CREB5: variants seen among roughly 807,000 people sequenced by gnomAD.
CREB5 encodes cyclic AMP-responsive element-binding protein 5.
Under a neutral mutation model 57.1 loss-of-function variants are expected in CREB5, and 19 were observed. The observed-to-expected ratio is 0.33, with a 90% CI of 0.23 to 0.49. CREB5 has a LOEUF of 0.49. Among genes scored for constraint, CREB5 ranks in the 20% least tolerant of loss-of-function variants. The pLI, the probability that CREB5 is intolerant of heterozygous loss-of-function variation, is 0.99. For synonymous variants in CREB5, 238 were observed against 238.3 expected (o/e 1.00, Z 0.01); for missense variants, 579 against 671.6 (o/e 0.86, Z 1.52).
At chr7:28,810,960 T>C (rs916004044) in intron 9 of CREB5, among the ~76,000 whole-genome samples, 3 of 152,228 alleles carry the variant, frequency 2.0e-5, no homozygotes, top group African/African-American at 7.2e-5. Context: ...GTCATTCTTT[T>C]TGTGATAGAC....
intron 1 of CREB5, among the ~76,000 whole-genome samples, chr7:28,404,182 G>T (rs1403971892): frequency 6.6e-6 from 1 of 152,192 alleles, no homozygotes; most frequent in African/African-American, 2.4e-5. Context: ...AGATGGAAAA[G>T]AAAAAGAACT....
chr7:28,407,495 A>G (rs1787609377), intron 1 of CREB5, among the ~76,000 whole-genome samples: 1 of 149,408 alleles, frequency 6.7e-6, no homozygotes, highest in South Asian at 2.1e-4. Context: ...GGCTGACACT[A>G]GAATCTACAC....
chr7:28,345,757 A>G (rs1012910672), intron 1 of CREB5, among the ~76,000 whole-genome samples: 3 of 152,184 alleles, frequency 2.0e-5, no homozygotes, highest in African/African-American at 7.2e-5. Context: ...CCAGATGAAG[A>G]TAGGCCAGAG....
intron 4 of CREB5, among the ~76,000 whole-genome samples, chr7:28,523,652 A>G (rs1314857174): frequency 6.6e-6 from 1 of 152,168 alleles, no homozygotes; most frequent in Non-Finnish European, 1.5e-5. Context: ...AAAATGAAAT[A>G]AGCCATCCTC....
At chr7:28,410,944 C>A (rs1285411664), upstream of CREB5, among the ~76,000 whole-genome samples, 1 of 152,156 alleles carries the variant, frequency 6.6e-6, no homozygotes, top group South Asian at 2.1e-4. Context: ...CACCACTCCC[C>A]CGTCTACACC....
intron 1 of CREB5, among the ~76,000 whole-genome samples, chr7:28,353,453 G>A (rs991806478): frequency 1.7e-4 from 26 of 152,180 alleles, no homozygotes; most frequent in Admixed American, 5.2e-4. Context: ...ATTATCTCCA[G>A]CAAGATGTGA....
At chr7:28,560,929 CGT>C (rs1425241012) in intron 4 of CREB5, among the ~76,000 whole-genome samples, 437 of 30,370 alleles carry the variant, frequency 0.014, 39 homozygotes, top group African/African-American at 0.039. Context: ...TGTGCGCGTG[CGT>C]GTGTGCGTGC....
chr7:28,687,946 G>A (rs1268558757), intron 5 of CREB5, among the ~76,000 whole-genome samples: 1 of 152,170 alleles, frequency 6.6e-6, no homozygotes, highest in Non-Finnish European at 1.5e-5. Flanking sequence ...CTCCCCGCAT[G>A]GGGAACCAAT....
chr7:28,726,971 G>A (rs192678941), intron 7 of CREB5, among the ~76,000 whole-genome samples: 25 of 152,102 alleles, frequency 1.6e-4, no homozygotes, highest in Admixed American at 5.2e-4. Context: ...ATTTTTCTGA[G>A]TAGTGATTGC....
intron 4 of CREB5, among the ~76,000 whole-genome samples, chr7:28,564,574 C>T (rs1029037492): frequency 7.2e-5 from 11 of 152,142 alleles, no homozygotes; most frequent in Non-Finnish European, 1.0e-4. Flanking sequence ...ATTTCATTCA[C>T]ACCCTTTATG....
rs1809849106 is a variant in CREB5, at chr7:28,822,705, C to G, written c.*3426C>G. 2 of 152,658 alleles carry G rather than the reference C, an allele frequency of 1.3e-5. No individual in the cohort carries two copies. Among genetic ancestry groups the G allele is most frequent in the Non-Finnish European group, 2.9e-5 (2 of 68,060 alleles). The allele number at this position is 152,658 out of a possible 1,614,324, so 9.5% of individuals were successfully genotyped here. Reference sequence around the variant, plus strand: ...AGCATTTCTATCAGGTAAACTGTCACTTAAATGGAGGTGTCCACATCTTAA... The same window carrying G: ...AGCATTTCTATCAGGTAAACTGTCAGTTAAATGGAGGTGTCCACATCTTAA... On this transcript the variant is annotated 3_prime_UTR_variant, in exon 11 of 11. Transcript: ENST00000357727.
intron 4 of CREB5, among the ~76,000 whole-genome samples, chr7:28,515,459 A>G (rs539570267): frequency 1.3e-5 from 2 of 152,298 alleles, no homozygotes; most frequent in Admixed American, 1.3e-4. Flanking sequence ...ATTGGCATAA[A>G]TATTGGTCTC....
rs185624739 is a variant in CREB5 at position 28,659,675 on chromosome 7, T to A, written c.465-59078T>A. 3.6e-3 allele frequency among the ~76,000 whole-genome samples: 551 copies of A among 152,318 alleles called. 6 individuals carry two copies. Among genetic ancestry groups the A allele is most frequent in the Middle Eastern group, 0.017 (5 of 294 alleles). On this transcript the variant is annotated intron_variant, in intron 5 of 10. Coordinates refer to ENST00000357727, the MANE Select transcript of CREB5 (RefSeq NM_182898.4). ...AAAACTGATGCAATATGGACTAGAT[T>A]AATTTGAATTAAATTTCAATATGAT...
At chr7:28,468,991 T>C (rs922689557) in intron 1 of CREB5, among the ~76,000 whole-genome samples, 1 of 152,194 alleles carries the variant, frequency 6.6e-6, no homozygotes, top group African/African-American at 2.4e-5. Flanking sequence ...CTACATCTTT[T>C]CTTCATTTAG....
intron 1 of CREB5, among the ~76,000 whole-genome samples, chr7:28,476,049 G>T (rs576890573): frequency 6.6e-6 from 1 of 152,168 alleles, no homozygotes; most frequent in Non-Finnish European, 1.5e-5. Context: ...AGAGCCCAAC[G>T]CAGTGGAATG....
intron 8 of CREB5, among the ~76,000 whole-genome samples, chr7:28,806,284 G>C (rs1004948589): frequency 6.6e-6 from 1 of 151,914 alleles, no homozygotes; most frequent in Non-Finnish European, 1.5e-5. Context: ...TTTTTTAATT[G>C]TATGCTAAAA....
intron 1 of CREB5, among the ~76,000 whole-genome samples, chr7:28,392,704 A>T (rs1230310297): frequency 2.0e-5 from 3 of 152,146 alleles, no homozygotes; most frequent in Non-Finnish European, 4.4e-5. Flanking sequence ...CTGATAGTTC[A>T]TCTAGTCAAA....
intron 7 of CREB5, among the ~76,000 whole-genome samples, chr7:28,755,998 T>A (rs554574377): frequency 6.6e-6 from 1 of 152,308 alleles, no homozygotes; most frequent in South Asian, 2.1e-4. Context: ...GTATTCTATC[T>A]TCTCAAGAAA....
chr7:28,333,017 G>C (rs561775241), intron 1 of CREB5, among the ~76,000 whole-genome samples: 1 of 152,314 alleles, frequency 6.6e-6, no homozygotes, highest in South Asian at 2.1e-4. Context: ...AGCTTTGTGA[G>C]ATAGTGGCTA....
Sources: gnomAD v4.1 joint callset for allele counts (sites outside exome capture counted in the v4.1 genomes callset) on GRCh38, gnomAD v4.1.1 for gene constraint, MANE v1.5 for transcripts, NCBI Gene and HGNC (gene_info 2026-07-23, HGNC 2026-07-21) for gene names.